The following CHCHD6 variants were observed in gnomAD, a reference collection of about 807,000 sequenced individuals.
CHCHD6 encodes the protein coiled-coil-helix-coiled-coil-helix domain containing 6, also known as MICOS complex subunit MIC25.
Under a neutral mutation model 32.3 loss-of-function variants are expected in CHCHD6, and 28 were observed. The observed-to-expected ratio is 0.87, with a 90% CI of 0.64 to 1.19. The LOEUF (loss-of-function observed/expected upper bound fraction) is 1.19. CHCHD6 is among the 50% of genes most tolerant of loss of function. CHCHD6 has a pLI of 0.00. For synonymous variants in CHCHD6, 122 were observed against 117.5 expected (o/e 1.04, Z -0.25); for missense variants, 333 against 307.0 (o/e 1.08, Z -0.63).
At chr3:126,914,547 T>C in intron 5 of CHCHD6, 133 bp from the exon 6 acceptor site, 1 of 670,364 alleles carries the variant, frequency 1.5e-6, no homozygotes, top group South Asian at 1.8e-5. Flanking sequence ...ACCCAAGGTG[T>C]GGATTAATTA....
At chr3:126,913,994 G>A (rs1407225003) in intron 5 of CHCHD6, among the ~76,000 whole-genome samples, 1 of 152,224 alleles carries the variant, frequency 6.6e-6, no homozygotes, top group Non-Finnish European at 1.5e-5. Flanking sequence ...AGGTGCACAT[G>A]TACCGGGTGA....
chr3:126,724,321 C>A (rs955140382), intron 1 of CHCHD6, among the ~76,000 whole-genome samples: 2 of 152,098 alleles, frequency 1.3e-5, no homozygotes, highest in Non-Finnish European at 2.9e-5. Context: ...GTACAGTGGA[C>A]ATCAAAATAA....
intron 5 of CHCHD6, among the ~76,000 whole-genome samples, chr3:126,865,137 ACCACCACCTCCTTTT>A (rs1254678676): frequency 9.9e-3 from 528 of 53,306 alleles, no homozygotes; most frequent in African/African-American, 0.025. Context: ...CTCCTCCTCC[ACCACCACCTCCTTTT>A]CCACCACCTC....
intron 5 of CHCHD6, among the ~76,000 whole-genome samples, chr3:126,906,530 G>C (rs79887622): frequency 2.0e-5 from 3 of 152,176 alleles, no homozygotes; most frequent in African/African-American, 7.2e-5. Flanking sequence ...GCTTTACGCC[G>C]GGTGTAGTCT....
At chr3:126,909,273 C>T (rs1404980729) in intron 5 of CHCHD6, among the ~76,000 whole-genome samples, 4 of 152,344 alleles carry the variant, frequency 2.6e-5, no homozygotes, top group South Asian at 2.1e-4. Flanking sequence ...ACTGGTCCCA[C>T]GCTGCTCTAT....
chr3:126,820,589 G>T (rs1311469763), intron 4 of CHCHD6, among the ~76,000 whole-genome samples: 1 of 152,194 alleles, frequency 6.6e-6, no homozygotes, highest in African/African-American at 2.4e-5. Context: ...TTCCTTGCCT[G>T]ACTATACCAC....
chr3:126,937,761 A>G (rs1043618401), intron 6 of CHCHD6, among the ~76,000 whole-genome samples: 1 of 152,164 alleles, frequency 6.6e-6, no homozygotes, highest in Non-Finnish European at 1.5e-5. Context: ...CAGGCTGACC[A>G]CAGCAGGCAT....
chr3:126,764,224 T>A (rs532758496), intron 4 of CHCHD6, among the ~76,000 whole-genome samples: 30 of 144,014 alleles, frequency 2.1e-4, no homozygotes, highest in East Asian at 1.7e-3. Flanking sequence ...TATATATATA[T>A]AAATATATGA....
intron 5 of CHCHD6, among the ~76,000 whole-genome samples, chr3:126,892,525 G>A (rs1273737795): frequency 1.3e-5 from 2 of 152,086 alleles, no homozygotes; most frequent in East Asian, 1.9e-4. Context: ...TCAGCGTTGG[G>A]CACCCCTGAA....
chr3:126,777,120 T>A (rs1051794595), intron 4 of CHCHD6, among the ~76,000 whole-genome samples: 1 of 152,188 alleles, frequency 6.6e-6, no homozygotes, highest in Non-Finnish European at 1.5e-5. Flanking sequence ...TCAGCTGTCA[T>A]TTCTTCTCCC....
At chr3:126,802,963 T>G (rs1939158893) in intron 4 of CHCHD6, among the ~76,000 whole-genome samples, 1 of 151,996 alleles carries the variant, frequency 6.6e-6, no homozygotes, top group Non-Finnish European at 1.5e-5. Context: ...CCAGCCAAAC[T>G]AAGCTTCATA....
intron 5 of CHCHD6, among the ~76,000 whole-genome samples, chr3:126,870,284 C>T (rs955680049): frequency 2.0e-5 from 3 of 152,196 alleles, no homozygotes; most frequent in African/African-American, 7.2e-5. Context: ...TTGGATTAAA[C>T]TCCGTGTTCC....
intron 1 of CHCHD6, among the ~76,000 whole-genome samples, chr3:126,704,917 A>G (rs566683153): frequency 1.3e-5 from 2 of 152,032 alleles, no homozygotes; most frequent in South Asian, 4.1e-4. Context: ...GCGCGCTTGG[A>G]TGATGCCTTC....
rs535364061 is a variant in CHCHD6, at chr3:126,787,723, G to T, written c.411+54501G>T. 2.0e-5 allele frequency among the ~76,000 whole-genome samples: 3 copies of T among 152,286 alleles called. No homozygotes were observed. The East Asian group carries it at 5.8e-4, about 29-fold the overall frequency. On this transcript the variant is annotated intron_variant, in intron 4 of 7. Transcript: ENST00000290913. Reference sequence around the variant, plus strand: ...TTGCTTATCAGCTTAAGGAGATTTTGGGCTGAGACGATGGGGTTTTCTAAA... The same window carrying T: ...TTGCTTATCAGCTTAAGGAGATTTTTGGCTGAGACGATGGGGTTTTCTAAA...
At chr3:126,822,335 G>A (rs1295982878) in intron 4 of CHCHD6, among the ~76,000 whole-genome samples, 2 of 152,044 alleles carry the variant, frequency 1.3e-5, no homozygotes, top group Admixed American at 6.6e-5. Flanking sequence ...TCCTCTCATT[G>A]TGTGGAATTG....
chr3:126,807,845 T>A (rs372850128), intron 4 of CHCHD6, among the ~76,000 whole-genome samples: 1 of 152,214 alleles, frequency 6.6e-6, no homozygotes, highest in Non-Finnish European at 1.5e-5. Flanking sequence ...AACTTTTTCA[T>A]AGTAGTCTTA....
At chr3:126,852,806 G>C in intron 5 of CHCHD6, 76 bp downstream of exon 5, 2 of 1,009,142 alleles carry the variant, frequency 2.0e-6, no homozygotes, top group Admixed American at 3.6e-5. Flanking sequence ...ACTGTCATGG[G>C]GGGAGAGAGG....
At chr3:126,800,996 A>G (rs1939037565) in intron 4 of CHCHD6, among the ~76,000 whole-genome samples, 2 of 152,260 alleles carry the variant, frequency 1.3e-5, no homozygotes, top group Admixed American at 1.3e-4. Flanking sequence ...AACTATAACG[A>G]GATGACTCTG....
At chr3:126,894,956 C>G (rs898673830) in intron 5 of CHCHD6, among the ~76,000 whole-genome samples, 58 of 152,306 alleles carry the variant, frequency 3.8e-4, no homozygotes, top group Non-Finnish European at 7.5e-4. Flanking sequence ...TTCTGCCAAC[C>G]CCTTATCCCA....
Sources: gnomAD v4.1 joint callset for allele counts (sites outside exome capture counted in the v4.1 genomes callset) on GRCh38, gnomAD v4.1.1 for gene constraint, MANE v1.5 for transcripts, NCBI Gene and HGNC (gene_info 2026-07-23, HGNC 2026-07-21) for gene names.